ABRAXAS1: variants seen among roughly 807,000 people sequenced by gnomAD.
The protein encoded by ABRAXAS1 is abraxas 1, BRCA1 A complex subunit.
A neutral mutation model predicts 38.4 loss-of-function variants in ABRAXAS1; 26 were observed. That is an observed-to-expected ratio of 0.68 (90% confidence interval 0.50 to 0.94). The LOEUF (loss-of-function observed/expected upper bound fraction) is 0.94. Among genes scored for constraint, ABRAXAS1 ranks in the 40% least tolerant of loss-of-function variants. The pLI, the probability that ABRAXAS1 is intolerant of heterozygous loss-of-function variation, is 0.00. For missense variants in ABRAXAS1, 438 were observed against 481.9 expected, an observed-to-expected ratio of 0.91 and a Z score of 0.85; for synonymous variants, 144 against 165.5, an observed-to-expected ratio of 0.87 and a Z score of 1.00.
At chr4:83,484,850 G>A (rs906947093) in intron 1 of ABRAXAS1, 136 bp downstream of exon 1, 2 of 650,404 alleles carry the variant, frequency 3.1e-6, no homozygotes, top group East Asian at 6.8e-5. Flanking sequence ...GGGGAGAGAA[G>A]GCAGAGCCGC....
At chr4:83,480,832 T>C (rs1159579643) in intron 2 of ABRAXAS1, among the ~76,000 whole-genome samples, 2 of 152,064 alleles carry the variant, frequency 1.3e-5, no homozygotes, top group Non-Finnish European at 2.9e-5. Flanking sequence ...AATGCAGTTA[T>C]GAAAAATAGT....
intron 2 of ABRAXAS1, among the ~76,000 whole-genome samples, chr4:83,481,079 C>T (rs978003261): frequency 6.6e-6 from 1 of 151,934 alleles, no homozygotes; most frequent in Non-Finnish European, 1.5e-5. Flanking sequence ...TTGCAGTGAG[C>T]CGGGATTGCG....
chr4:83,469,938 A>C (rs909797998), intron 5 of ABRAXAS1: 32 of 278,490 alleles, frequency 1.1e-4, no homozygotes, highest in African/African-American at 5.2e-4. Flanking sequence ...TTAAAAAAAA[A>C]GTTTTTTTCC....
intron 5 of ABRAXAS1, chr4:83,469,807 TG>T (rs1722514308): frequency 6.3e-6 from 1 of 159,050 alleles, no homozygotes; most frequent in Non-Finnish European, 1.4e-5. Flanking sequence ...AAGGAGTCCC[TG>T]GTTAGACTCA....
chr4:83,473,582 C>T (rs1044359457), intron 3 of ABRAXAS1, among the ~76,000 whole-genome samples: 14 of 151,968 alleles, frequency 9.2e-5, no homozygotes, highest in African/African-American at 2.4e-4. Flanking sequence ...GACACGGTCT[C>T]GCTCTGTGGT....
At chr4:83,481,131 CAA>C (rs796921816) in intron 2 of ABRAXAS1, among the ~76,000 whole-genome samples, 5 of 127,812 alleles carry the variant, frequency 3.9e-5, no homozygotes, top group Non-Finnish European at 3.4e-5. Context: ...GACTCTGCCT[CAA>C]AAAAAAAAAG....
At chr4:83,478,363 G>A (rs538250258) in intron 2 of ABRAXAS1, 14 of 587,672 alleles carry the variant, frequency 2.4e-5, no homozygotes, top group South Asian at 1.5e-4. Context: ...TGGCTTTGGC[G>A]TGGACCCTGG....
In ABRAXAS1 at chr4:83,469,048, C is replaced by A. The variant is rs1020540603; in HGVS notation, c.580G>T (p.Ala194Ser). Residue 194 changes from alanine (A) to serine (S), a missense_variant, in exon 6 of 9, where the codon GCA becomes TCA. This residue lies in a region of ABRAXAS1 where 194 missense variants were observed against 269.0 expected (regional missense o/e 0.72). Transcript: ENST00000321945. Reference protein sequence around the residue: ...GSCMSTGFSRAVQTHSSKFFE... With the variant: ...GSCMSTGFSRSVQTHSSKFFE... Reference sequence around the variant, plus strand: ...GAATCTTACCTGTGTGTTTGTACTGCTCGGCTAAAACCAGTGGACATACAG... The same window carrying A: ...GAATCTTACCTGTGTGTTTGTACTGATCGGCTAAAACCAGTGGACATACAG... 41 of 1,612,930 alleles carry A rather than the reference C, an allele frequency of 2.5e-5. No homozygotes were observed. Among genetic ancestry groups the A allele is most frequent in the Non-Finnish European group, 3.5e-5 (41 of 1,179,988 alleles).
At position 83,461,266 on chromosome 4, in the gene ABRAXAS1, A is replaced by C. The variant is rs1339086180; in HGVS notation, c.*1203T>G. The C allele has an allele frequency of 2.2e-6, 3 of 1,354,908 alleles. No homozygotes were observed. The highest frequency in any genetic ancestry group is 2.9e-5 in the African/African-American group (2 of 69,606). 83.9% of individuals were successfully genotyped at this position (1,354,908 alleles called of 1,614,324 possible). ...GTTGTATGATGCCAATACTGACTCA[A>C]ACCAACCTTTGGATAGAAAAGTGTT... On this transcript the variant is annotated 3_prime_UTR_variant, in exon 9 of 9. Coordinates refer to ENST00000321945, the MANE Select transcript of ABRAXAS1 (RefSeq NM_139076.3).
At chr4:83,463,009 T>G in intron 8 of ABRAXAS1, 107 bp from the exon 9 acceptor site, 1 of 718,768 alleles carries the variant, frequency 1.4e-6, no homozygotes, top group Non-Finnish European at 2.2e-6. Flanking sequence ...AACAGTTGTA[T>G]TATCTAAAGT....
At chr4:83,473,305 C>T (rs1722648510) in intron 3 of ABRAXAS1, among the ~76,000 whole-genome samples, 1 of 152,126 alleles carries the variant, frequency 6.6e-6, no homozygotes, top group Admixed American at 6.5e-5. Context: ...TATTTGTCTA[C>T]TTACAGTTCC....
Position 83,476,678 on chromosome 4 carries a change from G to T in ABRAXAS1, c.180C>A (p.Asp60Glu). 1.3e-6 allele frequency: 2 copies of T among 1,557,568 alleles called. No individual in the cohort carries two copies. Among genetic ancestry groups the T allele is most frequent in the Non-Finnish European group, 1.8e-6 (2 of 1,130,420 alleles). ...GATAGCATGGAATATATTTCTGAATGTCTGGAAGAAAAGGATTTTTAGTTA... is the reference window on the plus strand; with the variant it reads ...GATAGCATGGAATATATTTCTGAATTTCTGGAAGAAAAGGATTTTTAGTTA... ...MDDVEVVYTIDIQKYIPCYQL... is the reference protein window; with the variant it reads ...MDDVEVVYTIEIQKYIPCYQL... The change falls in exon 3 of 9, where the codon GAC becomes GAA. Residue 60 changes from aspartate (D) to glutamate (E), a missense_variant and splice_region_variant. By Grantham distance (45) the Asp-to-Glu change is conservative (BLOSUM62 2). Transcript: ENST00000321945.
chr4:83,475,323 T>C (rs1049010849), intron 3 of ABRAXAS1, among the ~76,000 whole-genome samples: 1 of 152,196 alleles, frequency 6.6e-6, no homozygotes, highest in Non-Finnish European at 1.5e-5. Context: ...AAGACCACAC[T>C]AAGCTCCTTT....
At position 83,474,783 on chromosome 4, in the gene ABRAXAS1, A is replaced by G. The variant is rs145632195; in HGVS notation, c.215+1860T>C. Among the ~76,000 whole-genome samples, 18 of 152,098 alleles carry G rather than the reference A, an allele frequency of 1.2e-4. No homozygotes were observed. In the East Asian group the frequency reaches 3.3e-3, roughly 28 times the overall value. ...CATAAAAACTACATCGTGGGGCTCT[A>G]TTTTAGCAACCCCTGTAATTAGAGC... On this transcript the variant is annotated intron_variant, in intron 3 of 8. Coordinates refer to ENST00000321945, the MANE Select transcript of ABRAXAS1 (RefSeq NM_139076.3).
intron 3 of ABRAXAS1, among the ~76,000 whole-genome samples, chr4:83,472,661 A>G (rs961695027): frequency 2.6e-5 from 4 of 152,248 alleles, no homozygotes; most frequent in African/African-American, 9.6e-5. Context: ...TGATACATAC[A>G]AAAGAATGTA....
In ABRAXAS1 at chr4:83,461,246, A is replaced by G. The variant is rs535835373; in HGVS notation, c.*1223T>C. On this transcript the variant is annotated 3_prime_UTR_variant, in exon 9 of 9. Coordinates refer to ENST00000321945, the MANE Select transcript of ABRAXAS1 (RefSeq NM_139076.3). The stretch of plus-strand genomic sequence containing the variant: ...AACTTATTTTACAGTAAGTGGTTGT[A>G]TGATGCCAATACTGACTCAAACCAA... 3 of 1,543,668 alleles carry G rather than the reference A, an allele frequency of 1.9e-6. No individual in the cohort carries two copies. The East Asian group carries it at 6.7e-5, about 35-fold the overall frequency.
chr4:83,484,911 G>GC, intron 1 of ABRAXAS1, 75 bp downstream of exon 1: 1 of 1,300,252 alleles, frequency 7.7e-7, no homozygotes, highest in Non-Finnish European at 1.1e-6. Context: ...GGGGACCGGA[G>GC]CAACAGCGGG....
At chr4:83,464,631 A>G (rs1722278792) in intron 7 of ABRAXAS1, among the ~76,000 whole-genome samples, 1 of 152,138 alleles carries the variant, frequency 6.6e-6, no homozygotes, top group South Asian at 2.1e-4. Flanking sequence ...GCCCTGACAT[A>G]AGAGTTTGCC....
intron 4 of ABRAXAS1, 42 bp downstream of exon 4, chr4:83,472,180 T>C (rs1168330316): frequency 7.7e-7 from 1 of 1,303,118 alleles, no homozygotes; most frequent in Non-Finnish European, 1.1e-6. Context: ...CCAAAAACAA[T>C]GCAAATAATA....
Sources: gnomAD v4.1 joint callset for allele counts (sites outside exome capture counted in the v4.1 genomes callset) on GRCh38, gnomAD v4.1.1 for gene constraint, gnomAD v4.1.1 regional missense constraint, MANE v1.5 for transcripts, NCBI Gene and HGNC (gene_info 2026-07-23, HGNC 2026-07-21) for gene names.